ZNF740: variants seen among roughly 807,000 people sequenced by gnomAD.
ZNF740 encodes oriLyt TD-element-binding protein 7.
In ZNF740, 14 loss-of-function variants were observed where a neutral mutation model predicts 24.8. The ratio of observed to expected loss-of-function variants is 0.56; its 90% CI spans 0.37 to 0.88. The LOEUF is 0.88. Ranked by LOEUF, ZNF740 falls within the 40% of genes least tolerant of loss-of-function variation. The pLI is 0.00. For synonymous variants in ZNF740, 69 were observed against 84.0 expected, an observed-to-expected ratio of 0.82 and a Z score of 0.98; for missense variants, 201 against 247.9, an observed-to-expected ratio of 0.81 and a Z score of 1.27.
At chr12:53,184,314 G>A (rs572761964) in intron 2 of ZNF740, among the ~76,000 whole-genome samples, 1 of 151,912 alleles carries the variant, frequency 6.6e-6, no homozygotes, top group Non-Finnish European at 1.5e-5. Context: ...TCAGCCTCCC[G>A]AGTAGCTGGG....
intron 6 of ZNF740, 80 bp from the exon 7 acceptor site, chr12:53,187,421 G>A: frequency 8.7e-7 from 1 of 1,149,030 alleles, no homozygotes; most frequent in Non-Finnish European, 1.3e-6. Context: ...TGTGGTATCT[G>A]CCTCCTGTGA....
chr12:53,191,398 C>G lies in ZNF740; in HGVS notation c.*3808C>G, dbSNP rs549175733. On this transcript the variant is annotated 3_prime_UTR_variant, in exon 7 of 7. Transcript: ENST00000416904. Reference sequence around the variant, plus strand: ...CAAGGTTGCAGGCATGGGAAGCAGCCCTCTTGGGTGTCACTCTGAAAATGA... The same window carrying G: ...CAAGGTTGCAGGCATGGGAAGCAGCGCTCTTGGGTGTCACTCTGAAAATGA... 4.9e-4 allele frequency: 322 copies of G among 663,638 alleles called. 3 individuals are homozygous for G. In the African/African-American group the frequency reaches 5.3e-3, roughly 11 times the overall value. The allele number at this position is 663,638 out of a possible 1,614,324, so 41.1% of individuals were successfully genotyped here. A position where few individuals can be genotyped will look rare whatever the true frequency, so the allele number is the denominator to read the frequency against.
rs1246345924 is a variant in ZNF740 at position 53,191,905 on chromosome 12, T to A, written c.*4315T>A. 6 of 1,612,306 alleles carry A rather than the reference T, an allele frequency of 3.7e-6. No individual in the cohort carries two copies. The highest frequency in any genetic ancestry group is 5.1e-6 in the Non-Finnish European group (6 of 1,179,992). On this transcript the variant is annotated 3_prime_UTR_variant, in exon 7 of 7. Coordinates refer to ENST00000416904, the MANE Select transcript of ZNF740 (RefSeq NM_001004304.4). ...CTGCTCCTTCTCAAAGCGACTGTAT[T>A]CCCGGCGGTCATAGATTTCCACCGA...
intron 2 of ZNF740, among the ~76,000 whole-genome samples, chr12:53,184,176 GGTGTGTGTGTGTGT>G (rs143795685): frequency 7.8e-6 from 1 of 128,068 alleles, no homozygotes; most frequent in African/African-American, 3.2e-5. Flanking sequence ...GAAGCTAAGG[GGTGTGTGTGTGTGT>G]GTGTGTGTGT....
At chr12:53,186,212 G>C (rs1941817789) in intron 5 of ZNF740, 135 bp downstream of exon 5, 1 of 1,298,898 alleles carries the variant, frequency 7.7e-7, no homozygotes. Context: ...CAATGAAGCA[G>C]AGAGATTGCA....
At position 53,193,619 on chromosome 12, in the gene ZNF740, T is replaced by G; in HGVS notation, c.*6029T>G. On this transcript the variant is annotated 3_prime_UTR_variant, in exon 7 of 7. Coordinates refer to ENST00000416904, the MANE Select transcript of ZNF740 (RefSeq NM_001004304.4). Reference sequence around the variant, plus strand: ...AGTCGGGATGTCGAGGAGACTCCTGTGGGGGGGATGGAAAGCAGCGGAGGA... The same window carrying G: ...AGTCGGGATGTCGAGGAGACTCCTGGGGGGGGGATGGAAAGCAGCGGAGGA... 5 of 1,161,274 alleles carry G rather than the reference T, an allele frequency of 4.3e-6. No homozygotes were observed. The highest frequency in any genetic ancestry group is 1.6e-5 in the South Asian group (1 of 64,468). The allele number at this position is 1,161,274 out of a possible 1,614,324, so 71.9% of individuals were successfully genotyped here.
chr12:53,186,313 A>G, intron 5 of ZNF740, 78 bp from the exon 6 acceptor site: 3 of 1,364,666 alleles, frequency 2.2e-6, no homozygotes, highest in Non-Finnish European at 3.0e-6. Flanking sequence ...ACTAAGAGTT[A>G]AAGTTTCTGA....
chr12:53,182,502 C>G (rs921914504), intron 2 of ZNF740, among the ~76,000 whole-genome samples: 1 of 152,042 alleles, frequency 6.6e-6, no homozygotes, highest in African/African-American at 2.4e-5. Context: ...GTAGTAGAGA[C>G]TCTGAATCTG....
chr12:53,183,661 T>C (rs1254935722), intron 2 of ZNF740, among the ~76,000 whole-genome samples: 1 of 152,162 alleles, frequency 6.6e-6, no homozygotes, highest in Non-Finnish European at 1.5e-5. Flanking sequence ...CAAGCACACA[T>C]ATAAATGGCC....
rs776367387 is a variant in ZNF740 at position 53,194,969 on chromosome 12, C to T, written c.*7379C>T. The stretch of plus-strand genomic sequence containing the variant: ...AAATGCCAGCCCTTCTGTTTGTTAT[C>T]TTTGTGACCTTGGACAAGTCACTTA... On this transcript the variant is annotated 3_prime_UTR_variant, in exon 7 of 7. Coordinates refer to ENST00000416904, the MANE Select transcript of ZNF740 (RefSeq NM_001004304.4). 2 of 199,220 alleles carry T rather than the reference C, an allele frequency of 1.0e-5. No homozygotes were observed. Among genetic ancestry groups the T allele is most frequent in the South Asian group, 1.0e-4 (1 of 9,770 alleles). 12.3% of individuals were successfully genotyped at this position (199,220 alleles called of 1,614,324 possible). A position where few individuals can be genotyped will look rare whatever the true frequency, so the allele number is the denominator to read the frequency against.
At position 53,194,095 on chromosome 12, in the gene ZNF740, C is replaced by T. The variant is rs1472492435; in HGVS notation, c.*6505C>T. 2 of 1,520,394 alleles carry T rather than the reference C, an allele frequency of 1.3e-6. No homozygotes were observed. The highest frequency in any genetic ancestry group is 1.8e-6 in the Non-Finnish European group (2 of 1,107,574). 94.2% of individuals were successfully genotyped at this position (1,520,394 alleles called of 1,614,324 possible). A position where few individuals can be genotyped will look rare whatever the true frequency, so the allele number is the denominator to read the frequency against. On this transcript the variant is annotated 3_prime_UTR_variant, in exon 7 of 7. Transcript: ENST00000416904. ...GATGGATGGAGGACTACCTCAGGCTCTCATGTCACTCCCTGTACCTGCCAC... is the reference window on the plus strand; with the variant it reads ...GATGGATGGAGGACTACCTCAGGCTTTCATGTCACTCCCTGTACCTGCCAC...
rs773374263 is a variant in ZNF740, at chr12:53,187,649, C to T, written c.*59C>T. 1 of 1,405,368 alleles carries T rather than the reference C, an allele frequency of 7.1e-7. No individual in the cohort carries two copies. The highest frequency in any genetic ancestry group is 1.2e-5 in the South Asian group (1 of 84,806). The allele number at this position is 1,405,368 out of a possible 1,614,324, so 87.1% of individuals were successfully genotyped here. ...AAGAACCTGCCGAAGAGCACACCCC[C>T]TCTGGTCTGATGGTCCCACCACCGC... is the stretch of plus-strand genomic sequence containing the variant. On this transcript the variant is annotated 3_prime_UTR_variant, in exon 7 of 7. Coordinates refer to ENST00000416904, the MANE Select transcript of ZNF740 (RefSeq NM_001004304.4).
At chr12:53,185,331 G>A (rs1010049709) in intron 3 of ZNF740, 56 bp from the exon 4 acceptor site, 6 of 1,559,750 alleles carry the variant, frequency 3.8e-6, no homozygotes, top group African/African-American at 1.4e-5. Context: ...GCTGCATTGG[G>A]TCTCATCTCA....
At position 53,195,136 on chromosome 12, in the gene ZNF740, A is replaced by C. The variant is rs1244687465; in HGVS notation, c.*7546A>C. 5.5e-6 allele frequency: 3 copies of C among 547,232 alleles called. No homozygotes were observed. Among genetic ancestry groups the C allele is most frequent in the Non-Finnish European group, 9.8e-6 (3 of 305,476 alleles). The allele number at this position is 547,232 out of a possible 1,614,324, so 33.9% of individuals were successfully genotyped here. ...CATGAAATAAAAGCTCAGTGATTGA[A>C]ACTTTCCTTTCTTGCCCAGAGCAGA... On this transcript the variant is annotated 3_prime_UTR_variant, in exon 7 of 7. Transcript: ENST00000416904.
Position 53,193,674 on chromosome 12 carries a change from A to C in ZNF740, c.*6084A>C, listed in dbSNP as rs1287770247. The C allele has an allele frequency of 2.5e-6, 4 of 1,569,982 alleles. No homozygotes were observed. Among genetic ancestry groups the C allele is most frequent in the African/African-American group, 2.7e-5 (2 of 73,910 alleles). On this transcript the variant is annotated 3_prime_UTR_variant, in exon 7 of 7. Coordinates refer to ENST00000416904, the MANE Select transcript of ZNF740 (RefSeq NM_001004304.4). ...GGGCCAGGGTTGGTTGGTTGTTGGGAGCCAGGTGGTTGAAGGGAAGAGGAG... is the reference window on the plus strand; with the variant it reads ...GGGCCAGGGTTGGTTGGTTGTTGGGCGCCAGGTGGTTGAAGGGAAGAGGAG...
At chr12:53,184,150 T>TGTGCGCGCGCGCGC (rs59250662) in intron 2 of ZNF740, among the ~76,000 whole-genome samples, 14 of 104,424 alleles carry the variant, frequency 1.3e-4, no homozygotes, top group African/African-American at 5.2e-4. Flanking sequence ...TGTGTGTGTG[T>TGTGCGCGCGCGCGC]GCGCGCGCGC....
rs764099131 is a variant in ZNF740 at position 53,192,328 on chromosome 12, A to G, written c.*4738A>G. The G allele has an allele frequency of 6.2e-7, 1 of 1,613,664 alleles. No individual in the cohort carries two copies. Among genetic ancestry groups the G allele is most frequent in the South Asian group, 1.1e-5 (1 of 91,048 alleles). On this transcript the variant is annotated 3_prime_UTR_variant, in exon 7 of 7. Transcript: ENST00000416904. ...GGGTTTGTGGCATCCCTGCCCACTTACTTTCTTGGGGTCTCACTCTGAGCA... is the reference window on the plus strand; with the variant it reads ...GGGTTTGTGGCATCCCTGCCCACTTGCTTTCTTGGGGTCTCACTCTGAGCA...
Position 53,191,784 on chromosome 12 carries a change from C to G in ZNF740, c.*4194C>G. ...TACATGTGCCAGGGGCTGGGGGAAC[C>G]CAGTGGGAGGAATCAGGGCTGGTCT... On this transcript the variant is annotated 3_prime_UTR_variant, in exon 7 of 7. Transcript: ENST00000416904. The G allele has an allele frequency of 6.3e-7, 1 of 1,593,310 alleles. No individual in the cohort carries two copies. Among genetic ancestry groups the G allele is most frequent in the South Asian group, 1.1e-5 (1 of 90,486 alleles).
chr12:53,192,356 A>G lies in ZNF740; in HGVS notation c.*4766A>G, dbSNP rs749195267. 6.2e-7 allele frequency: 1 copy of G among 1,613,974 alleles called. No homozygotes were observed. Among genetic ancestry groups the G allele is most frequent in the Non-Finnish European group, 8.5e-7 (1 of 1,180,004 alleles). On this transcript the variant is annotated 3_prime_UTR_variant, in exon 7 of 7. Transcript: ENST00000416904. ...TTCTTGGGGTCTCACTCTGAGCACGACCGTGCCTCTGGCGTCATCCTCCAC... is the reference window on the plus strand; with the variant it reads ...TTCTTGGGGTCTCACTCTGAGCACGGCCGTGCCTCTGGCGTCATCCTCCAC...
Sources: gnomAD v4.1 joint callset for allele counts (sites outside exome capture counted in the v4.1 genomes callset) on GRCh38, gnomAD v4.1.1 for gene constraint, MANE v1.5 for transcripts, NCBI Gene and HGNC (gene_info 2026-07-23, HGNC 2026-07-21) for gene names.